Variants in FNDC3B observed in about 807,000 individuals in gnomAD.
The protein encoded by FNDC3B is fibronectin type III domain containing 3B, also known as fibronectin type III domain-containing protein 3B.
Under a neutral mutation model 151.5 loss-of-function variants are expected in FNDC3B, and 12 were observed. The observed-to-expected ratio is 0.08, with a 90% CI of 0.05 to 0.13. The LOEUF (loss-of-function observed/expected upper bound fraction) is 0.13. Ranked by LOEUF, FNDC3B falls within the 10% of genes least tolerant of loss-of-function variation. The pLI is 1.00. For synonymous variants in FNDC3B, 528 were observed against 549.0 expected, an observed-to-expected ratio of 0.96 and a Z score of 0.54; for missense variants, 1,214 against 1,505.3, an observed-to-expected ratio of 0.81 and a Z score of 3.20.
intron 2 of FNDC3B, among the ~76,000 whole-genome samples, chr3:172,127,862 T>A (rs1463745240): frequency 6.6e-6 from 1 of 152,082 alleles, no homozygotes; most frequent in African/African-American, 2.4e-5. Context: ...GACAGGGTGT[T>A]GGTCAGGCTG....
chr3:172,193,328 CCCCTTCCCTT>C (rs529763550), intron 3 of FNDC3B, among the ~76,000 whole-genome samples: 1 of 5,194 alleles, frequency 1.9e-4, no homozygotes, highest in African/African-American at 9.8e-4. Flanking sequence ...CCCCTCCCCT[CCCCTTCCCTT>C]CCCTTCCTTC....
At chr3:172,101,732 A>G (rs528330450) in intron 1 of FNDC3B, among the ~76,000 whole-genome samples, 2 of 152,342 alleles carry the variant, frequency 1.3e-5, no homozygotes, top group African/African-American at 2.4e-5. Flanking sequence ...GTGTTTAATC[A>G]TGGCACATTT....
chr3:172,140,357 G>A (rs1456755371), intron 3 of FNDC3B, among the ~76,000 whole-genome samples: 3 of 152,176 alleles, frequency 2.0e-5, no homozygotes, highest in Non-Finnish European at 4.4e-5. Context: ...CATTTTCCAT[G>A]ATTGGATTTA....
intron 1 of FNDC3B, among the ~76,000 whole-genome samples, chr3:172,076,610 T>A (rs574626872): frequency 3.9e-5 from 6 of 152,348 alleles, no homozygotes; most frequent in African/African-American, 1.4e-4. Flanking sequence ...TTATTATTTT[T>A]AATTAATTTA....
chr3:172,371,978 G>T (rs925550719), intron 23 of FNDC3B, among the ~76,000 whole-genome samples: 1 of 152,180 alleles, frequency 6.6e-6, no homozygotes, highest in African/African-American at 2.4e-5. Flanking sequence ...TTTAATAAGT[G>T]CTAGGCATTG....
intron 6 of FNDC3B, among the ~76,000 whole-genome samples, chr3:172,264,524 A>T (rs1477232500): frequency 6.6e-6 from 1 of 152,112 alleles, no homozygotes; most frequent in African/African-American, 2.4e-5. Context: ...GCATTTTTAG[A>T]TTCTATGAAT....
chr3:172,215,349 G>C (rs1226387532), intron 3 of FNDC3B, among the ~76,000 whole-genome samples: 1 of 152,188 alleles, frequency 6.6e-6, no homozygotes, highest in Non-Finnish European at 1.5e-5. Context: ...GAGTAGACAA[G>C]GTTTTATTCA....
rs569156557 is a variant in FNDC3B, at chr3:172,198,134, G to A, written c.188-28737G>A. Among the ~76,000 whole-genome samples the A allele has an allele frequency of 2.0e-5, 3 of 152,044 alleles. No individual in the cohort carries two copies. The East Asian group carries it at 5.8e-4, about 29-fold the overall frequency. On this transcript the variant is annotated intron_variant, in intron 3 of 25. Transcript: ENST00000415807. ...TTAACATGTCCTCTTCATTCTTTGA[G>A]CACATCTTTTCTGGTTCAAAGAGAT...
chr3:172,118,963 T>A (rs576957514), intron 2 of FNDC3B, among the ~76,000 whole-genome samples: 5 of 151,524 alleles, frequency 3.3e-5, no homozygotes, highest in Non-Finnish European at 7.4e-5. Flanking sequence ...GGTCAGGAGA[T>A]CAAGACCATC....
chr3:172,277,135 C>CAT (rs532932583), intron 6 of FNDC3B, among the ~76,000 whole-genome samples: 1 of 151,822 alleles, frequency 6.6e-6, no homozygotes, highest in African/African-American at 2.4e-5. Context: ...TGTGAAAAAA[C>CAT]GTGTGTGTGT....
At chr3:172,109,050 G>T (rs62283816) in intron 1 of FNDC3B, among the ~76,000 whole-genome samples, 1 of 152,006 alleles carries the variant, frequency 6.6e-6, no homozygotes, top group South Asian at 2.1e-4. Flanking sequence ...TTTAAACATC[G>T]TTGGCTGCAT....
chr3:172,188,785 C>T (rs1311680152), intron 3 of FNDC3B, among the ~76,000 whole-genome samples: 7 of 152,254 alleles, frequency 4.6e-5, no homozygotes, highest in Non-Finnish European at 7.4e-5. Context: ...TTCATCTTCC[C>T]GCCTTTGTTT....
chr3:172,193,518 A>G (rs7625854), intron 3 of FNDC3B, among the ~76,000 whole-genome samples: 136,785 of 150,346 alleles, frequency 0.91, 62,532 homozygotes, highest in African/African-American at 0.95. Flanking sequence ...CTCCTAATTC[A>G]TGGTTGATTT....
In FNDC3B at chr3:172,295,468, G is replaced by A. The variant is rs1730556491; in HGVS notation, c.955G>A (p.Ala319Thr). The part of the protein sequence containing the change: ...GLSFPYSYEV[A>T]LSDKGRDGKY... The stretch of plus-strand genomic sequence containing the variant: ...TTCCTTCCCCTACAGTTACGAGGTG[G>A]CCTTATCAGACAAAGGACGAGATGG... Residue 319 changes from alanine (A) to threonine (T), a missense_variant, in exon 8 of 26, where the codon GCC (alanine) becomes ACC (threonine). Physicochemically the swap from Ala to Thr is moderately conservative, Grantham distance 58. Transcript: ENST00000415807. The A allele has an allele frequency of 1.2e-6, 2 of 1,613,906 alleles. No homozygotes were observed. Among genetic ancestry groups the A allele is most frequent in the African/African-American group, 2.7e-5 (2 of 74,918 alleles).
chr3:172,051,589 CA>C (rs1716656742), intron 1 of FNDC3B, among the ~76,000 whole-genome samples: 2 of 152,222 alleles, frequency 1.3e-5, no homozygotes, highest in African/African-American at 4.8e-5. Flanking sequence ...TAAAAGACTA[CA>C]AATTGGGTTC....
At position 172,307,387 on chromosome 3, in the gene FNDC3B, A is replaced by G; in HGVS notation, c.1086A>G (p.Val362=). The change falls in exon 10 of 26, where the codon GTA becomes GTG. Residue 362 remains valine, a synonymous_variant. Transcript: ENST00000415807. ...GGGTGTATGCCATGTACAATTCCGT[A>G]AAGGGATCCTGCTCCGAGCCTGTTA... ...HVRVYAMYNS[V]KGSCSEPVSF... 1 of 1,614,114 alleles carries G rather than the reference A, an allele frequency of 6.2e-7. No individual in the cohort carries two copies. The highest frequency in any genetic ancestry group is 8.5e-7 in the Non-Finnish European group (1 of 1,179,980).
chr3:172,061,641 G>A (rs1286317598), intron 1 of FNDC3B, among the ~76,000 whole-genome samples: 1 of 152,170 alleles, frequency 6.6e-6, no homozygotes, highest in Non-Finnish European at 1.5e-5. Flanking sequence ...GGGGAAGAAG[G>A]TTATATAAAG....
At chr3:172,307,620 G>T in intron 10 of FNDC3B, 119 bp downstream of exon 10, 1 of 943,810 alleles carries the variant, frequency 1.1e-6, no homozygotes, top group East Asian at 2.6e-5. Flanking sequence ...TTGAACCCAG[G>T]AGTTTCAAGG....
At chr3:172,275,435 C>T (rs538356638) in intron 6 of FNDC3B, among the ~76,000 whole-genome samples, 12 of 152,110 alleles carry the variant, frequency 7.9e-5, no homozygotes, top group African/African-American at 9.6e-5. Flanking sequence ...ATACAGAAAC[C>T]GAATAAGTTC....
Sources: gnomAD v4.1 joint callset for allele counts (sites outside exome capture counted in the v4.1 genomes callset) on GRCh38, gnomAD v4.1.1 for gene constraint, MANE v1.5 for transcripts, NCBI Gene and HGNC (gene_info 2026-07-23, HGNC 2026-07-21) for gene names.